ARSG: variants seen among roughly 807,000 people sequenced by gnomAD.
ARSG encodes arylsulfatase G, also known as ASG.
In ARSG, 37 loss-of-function variants were observed where a neutral mutation model predicts 50.5. That is an observed-to-expected ratio of 0.73 (90% CI 0.56 to 0.96). The LOEUF (loss-of-function observed/expected upper bound fraction) is 0.96. Ranked by LOEUF, ARSG falls within the 50% of genes least tolerant of loss-of-function variation. The pLI, the probability that ARSG is intolerant of heterozygous loss-of-function variation, is 0.00. For missense variants in ARSG, 629 were observed against 675.3 expected (o/e 0.93, Z 0.76); for synonymous variants, 225 against 254.6 (o/e 0.88, Z 1.11).
chr17:68,371,225 C>T (rs1799519411), intron 8 of ARSG, among the ~76,000 whole-genome samples: 2 of 145,956 alleles, frequency 1.4e-5, no homozygotes, highest in African/African-American at 5.1e-5. Context: ...GAGGCTGAGG[C>T]AGGAGAATGG....
At chr17:68,383,352 G>A (rs1160115995) in intron 8 of ARSG, among the ~76,000 whole-genome samples, 2 of 152,210 alleles carry the variant, frequency 1.3e-5, no homozygotes, top group Non-Finnish European at 2.9e-5. Context: ...CAAATCCTGT[G>A]TTCAACCCTG....
At chr17:68,327,617 C>G (rs937898735) in intron 2 of ARSG, among the ~76,000 whole-genome samples, 3 of 152,218 alleles carry the variant, frequency 2.0e-5, no homozygotes, top group African/African-American at 7.2e-5. Context: ...AAGACCCACT[C>G]TACTTCGGTA....
chr17:68,384,337 A>G (rs1204857196), intron 8 of ARSG, among the ~76,000 whole-genome samples: 1 of 152,172 alleles, frequency 6.6e-6, no homozygotes, highest in East Asian at 1.9e-4. Flanking sequence ...CCCGCTAGCT[A>G]TCATTATACT....
Position 68,420,302 on chromosome 17 carries a change from G to A in ARSG, c.1417G>A (p.Ala473Thr). 2 of 1,614,146 alleles carry A rather than the reference G, an allele frequency of 1.2e-6. No individual in the cohort carries two copies. The highest frequency in any genetic ancestry group is 2.2e-5 in the East Asian group (1 of 44,870). ...AEAVPLERGG[A>T]EYQAVLPEVR... ...AGCTGTGCCCCTAGAAAGAGGTGGT[G>A]CGGAGTACCAGGCTGTGCTGCCCGA... Residue 473 changes from alanine to threonine, a missense_variant, in exon 12 of 12, where the codon GCG (alanine) becomes ACG (threonine). By Grantham distance (58) the Ala-to-Thr change is moderately conservative. Transcript: ENST00000621439.
upstream of ARSG, among the ~76,000 whole-genome samples, chr17:68,289,152 C>G (rs1568421567): frequency 6.6e-6 from 1 of 152,096 alleles, no homozygotes; most frequent in East Asian, 1.9e-4. Flanking sequence ...TTGAGACCAA[C>G]CCGGGCAACA....
rs539020745 is a variant in ARSG, at chr17:68,281,939, G to A, written c.-552+22513G>A. On this transcript the variant is annotated intron_variant, in intron 1 of 11. Coordinates refer to the ARSG transcript ENST00000448504. ...TAGTTCAACCATGGTGGAAGACAGT[G>A]TGGCAATTCCTCAAGGATCTAGAAC... 2.0e-5 allele frequency among the ~76,000 whole-genome samples: 3 copies of A among 152,310 alleles called. No individual in the cohort carries two copies. In the South Asian group the frequency reaches 6.2e-4, roughly 32 times the overall value.
chr17:68,415,981 T>A (rs2082343224), intron 11 of ARSG, among the ~76,000 whole-genome samples: 1 of 152,210 alleles, frequency 6.6e-6, no homozygotes, highest in African/African-American at 2.4e-5. Context: ...TGTTTTGTAT[T>A]TTTTTAAGTG....
the ARSG span, among the ~76,000 whole-genome samples, chr17:68,445,656 G>A: frequency 2.0e-5 from 3 of 152,316 alleles, no homozygotes; most frequent in South Asian, 4.1e-4. Context: ...CAATGGCTGT[G>A]CTCTCAGCTA....
chr17:68,366,096 C>T (rs907471055), intron 6 of ARSG, among the ~76,000 whole-genome samples: 1 of 152,030 alleles, frequency 6.6e-6, no homozygotes, highest in African/African-American at 2.4e-5. Context: ...TGCCACCACG[C>T]CTGGCTAATT....
At chr17:68,316,095 A>G (rs1347954156) in intron 2 of ARSG, among the ~76,000 whole-genome samples, 1 of 152,116 alleles carries the variant, frequency 6.6e-6, no homozygotes, top group Non-Finnish European at 1.5e-5. Flanking sequence ...CTCACATTGC[A>G]CATGTTTCTG....
intron 1 of ARSG, among the ~76,000 whole-genome samples, chr17:68,263,072 C>T (rs1418947605): frequency 1.3e-5 from 2 of 152,160 alleles, no homozygotes; most frequent in Non-Finnish European, 2.9e-5. Flanking sequence ...TCTGTATTTT[C>T]TCAATAATAT....
At chr17:68,328,056 G>A (rs28712286) in intron 2 of ARSG, among the ~76,000 whole-genome samples, 10,415 of 152,044 alleles carry the variant, frequency 0.068, 818 homozygotes, top group African/African-American at 0.19. Context: ...GCTGAGCTTG[G>A]TTCAGTGCAT....
In ARSG at chr17:68,398,540, G is replaced by A. The variant is rs147304255; in HGVS notation, c.1213-2820G>A. Among the ~76,000 whole-genome samples, 240 of 152,330 alleles carry A rather than the reference G, an allele frequency of 1.6e-3. 1 individual carries two copies. The highest frequency in any genetic ancestry group is 2.6e-3 in the Non-Finnish European group (178 of 68,026). On this transcript the variant is annotated intron_variant, in intron 10 of 11. Coordinates refer to ENST00000621439, the MANE Select transcript of ARSG (RefSeq NM_001267727.2). Reference sequence around the variant, plus strand: ...CCTCAGATACATCCTGGGCTTACAAGGATTCCAATATGAGTTGGTTTAGAA... The same window carrying A: ...CCTCAGATACATCCTGGGCTTACAAAGATTCCAATATGAGTTGGTTTAGAA...
chr17:68,436,623 A>G, the ARSG span: 1 of 685,498 alleles, frequency 1.5e-6, no homozygotes, highest in Non-Finnish European at 2.4e-6. Context: ...CTTTCCGCTG[A>G]TGATTCTTCT....
At chr17:68,275,809 G>A (rs894999217) in intron 1 of ARSG, among the ~76,000 whole-genome samples, 1 of 151,706 alleles carries the variant, frequency 6.6e-6, no homozygotes, top group Non-Finnish European at 1.5e-5. Context: ...GCAAAACCCC[G>A]TCTCTACTAT....
At chr17:68,421,936 G>T, downstream of ARSG, 1 of 1,347,966 alleles carries the variant, frequency 7.4e-7, no homozygotes. Context: ...GGGCACTGTG[G>T]AATTTTTCTG....
At chr17:68,429,879 G>A in the ARSG span, 7 of 1,472,140 alleles carry the variant, frequency 4.8e-6, no homozygotes, top group Admixed American at 3.9e-5. Context: ...GTAAGCCACC[G>A]TGCCCAGCCT....
At chr17:68,393,062 A>G (rs560364491) in intron 9 of ARSG, among the ~76,000 whole-genome samples, 1 of 152,242 alleles carries the variant, frequency 6.6e-6, no homozygotes, top group South Asian at 2.1e-4. Flanking sequence ...TTAAGACACA[A>G]ACATCCAGTG....
rs71142163 is a variant in ARSG, at chr17:68,331,177, G to GTTTCTTTC, written c.219-12379_219-12372dup. Among the ~76,000 whole-genome samples, 519 of 118,988 alleles carry GTTTCTTTC rather than the reference G, an allele frequency of 4.4e-3. 6 individuals are homozygous for GTTTCTTTC. Among genetic ancestry groups the GTTTCTTTC allele is most frequent in the African/African-American group, 9.0e-3 (280 of 31,150 alleles). The allele number at this position is 118,988 out of a possible 152,430, so 78.1% of individuals were successfully genotyped here. On this transcript the variant is annotated intron_variant, in intron 2 of 11. Transcript: ENST00000621439. The stretch of plus-strand genomic sequence containing the variant: ...TTTTTTGTATTTTAGCAAAGACAGG[G>GTTTCTTTC]TTTCTTTCTTTCTTTCTTTCTTTCT...
Sources: gnomAD v4.1 joint callset for allele counts (sites outside exome capture counted in the v4.1 genomes callset) on GRCh38, gnomAD v4.1.1 for gene constraint, MANE v1.5 for transcripts, NCBI Gene and HGNC (gene_info 2026-07-23, HGNC 2026-07-21) for gene names.